The following GRID1 variants were observed in gnomAD, a reference collection of about 807,000 sequenced individuals.
The protein encoded by GRID1 is glutamate ionotropic receptor delta type subunit 1, also known as glutamate receptor ionotropic, delta-1.
Under a neutral mutation model 98.0 loss-of-function variants are expected in GRID1, and 28 were observed. The ratio of observed to expected loss-of-function variants is 0.29; its 90% CI spans 0.21 to 0.39. The LOEUF is 0.39. GRID1 is among the 10% of genes least tolerant of loss of function. GRID1 has a pLI of 1.00. For synonymous variants in GRID1, 553 were observed against 538.5 expected (o/e 1.03, Z -0.37); for missense variants, 1,111 against 1,340.5 (o/e 0.83, Z 2.67).
chr10:85,788,220 G>C (rs1479705115), intron 8 of GRID1, among the ~76,000 whole-genome samples: 1 of 152,026 alleles, frequency 6.6e-6, no homozygotes, highest in Non-Finnish European at 1.5e-5. Flanking sequence ...TTCCTTTCAT[G>C]GTTTGCTCTT....
intron 4 of GRID1, among the ~76,000 whole-genome samples, chr10:85,993,538 T>G (rs891331976): frequency 2.6e-5 from 4 of 152,178 alleles, no homozygotes; most frequent in African/African-American, 4.8e-5. Flanking sequence ...ACTGTCCCAT[T>G]TAATCCTCCT....
chr10:86,261,425 A>C (rs1311898190), intron 2 of GRID1, among the ~76,000 whole-genome samples: 1 of 152,026 alleles, frequency 6.6e-6, no homozygotes, highest in Non-Finnish European at 1.5e-5. Context: ...GCACTGGGCA[A>C]ATGCTCAGTA....
At chr10:86,046,755 A>G (rs547262208) in intron 4 of GRID1, among the ~76,000 whole-genome samples, 1 of 152,020 alleles carries the variant, frequency 6.6e-6, no homozygotes, top group East Asian at 1.9e-4. Flanking sequence ...TCTCTGGACA[A>G]TTATCCCTAC....
chr10:86,116,158 G>A (rs1042462200), intron 4 of GRID1, among the ~76,000 whole-genome samples: 25 of 152,152 alleles, frequency 1.6e-4, no homozygotes, highest in East Asian at 1.9e-4. Flanking sequence ...TAAGTGATGC[G>A]TGACTGTATG....
Position 86,238,699 on chromosome 10 carries a change from C to T in GRID1, c.236-32051G>A, listed in dbSNP as rs370246776. Among the ~76,000 whole-genome samples the T allele has an allele frequency of 3.0e-3, 423 of 143,382 alleles. 4 individuals carry two copies. The highest frequency in any genetic ancestry group is 9.7e-3 in the African/African-American group (372 of 38,252). The allele number at this position is 143,382 out of a possible 152,430, so 94.1% of individuals were successfully genotyped here. A position where few individuals can be genotyped will look rare whatever the true frequency, so the allele number is the denominator to read the frequency against. Reference sequence around the variant, plus strand: ...AAAAAAAAAAAAAAAAAGCGTTTGGCGGGGCAAGGTACAGCTTGGGCTTCA... The same window carrying T: ...AAAAAAAAAAAAAAAAAGCGTTTGGTGGGGCAAGGTACAGCTTGGGCTTCA... On this transcript the variant is annotated intron_variant, in intron 2 of 15. Transcript: ENST00000327946.
At chr10:85,654,470 A>G (rs1332968120) in intron 12 of GRID1, among the ~76,000 whole-genome samples, 1 of 152,228 alleles carries the variant, frequency 6.6e-6, no homozygotes, top group Non-Finnish European at 1.5e-5. Flanking sequence ...ATGTGATCTG[A>G]ACGATTTTAA....
intron 2 of GRID1, among the ~76,000 whole-genome samples, chr10:86,325,220 C>T (rs1241480057): frequency 6.6e-6 from 1 of 152,224 alleles, no homozygotes; most frequent in Non-Finnish European, 1.5e-5. Context: ...GTATTAAATA[C>T]TTACATTCTA....
At chr10:86,279,200 A>G (rs1350159574) in intron 2 of GRID1, among the ~76,000 whole-genome samples, 2 of 152,178 alleles carry the variant, frequency 1.3e-5, no homozygotes, top group African/African-American at 4.8e-5. Flanking sequence ...TCAGCAGTCT[A>G]CAACTCAGAA....
chr10:86,180,572 C>T (rs990091066), intron 3 of GRID1, among the ~76,000 whole-genome samples: 2 of 152,186 alleles, frequency 1.3e-5, no homozygotes, highest in East Asian at 3.9e-4. Flanking sequence ...CTGGGCTGGG[C>T]AGAGGCCTGA....
chr10:85,652,954 C>A (rs1840845160), intron 12 of GRID1, among the ~76,000 whole-genome samples: 1 of 152,080 alleles, frequency 6.6e-6, no homozygotes, highest in Admixed American at 6.6e-5. Flanking sequence ...TGAGATGAGA[C>A]AAAGAAACAA....
intron 4 of GRID1, among the ~76,000 whole-genome samples, chr10:85,970,745 TG>T (rs1288557141): frequency 4.2e-4 from 64 of 152,186 alleles, no homozygotes; most frequent in African/African-American, 1.5e-3. Context: ...AAAGACTCAA[TG>T]TTTTTCCCCT....
chr10:85,987,274 C>T (rs2131865441), intron 4 of GRID1, among the ~76,000 whole-genome samples: 1 of 152,146 alleles, frequency 6.6e-6, no homozygotes, highest in East Asian at 1.9e-4. Context: ...GAGATGCCTC[C>T]CTCACAAGAG....
chr10:85,891,732 A>G (rs1841202758), intron 5 of GRID1, among the ~76,000 whole-genome samples: 1 of 152,148 alleles, frequency 6.6e-6, no homozygotes, highest in Non-Finnish European at 1.5e-5. Flanking sequence ...ATTCAAAGTA[A>G]TTCAGCTGTG....
At chr10:86,162,176 C>G (rs1371886404) in intron 3 of GRID1, among the ~76,000 whole-genome samples, 3 of 152,094 alleles carry the variant, frequency 2.0e-5, no homozygotes, top group Admixed American at 2.0e-4. Context: ...CTAGATGGAC[C>G]TCCACACCTT....
At chr10:85,993,527 T>C (rs1249486339) in intron 4 of GRID1, among the ~76,000 whole-genome samples, 1 of 152,188 alleles carries the variant, frequency 6.6e-6, no homozygotes, top group African/African-American at 2.4e-5. Context: ...TTAATCCTCC[T>C]ACTGTCCCAT....
intron 4 of GRID1, among the ~76,000 whole-genome samples, chr10:85,965,575 G>T (rs1402604071): frequency 6.6e-6 from 1 of 152,098 alleles, no homozygotes; most frequent in Non-Finnish European, 1.5e-5. Context: ...TCATAAGTGG[G>T]AGTTAAACAC....
At chr10:85,994,173 G>T (rs1842714019) in intron 4 of GRID1, among the ~76,000 whole-genome samples, 1 of 152,128 alleles carries the variant, frequency 6.6e-6, no homozygotes, top group African/African-American at 2.4e-5. Context: ...CCAGAAAGAG[G>T]CTTGACCCAA....
intron 5 of GRID1, among the ~76,000 whole-genome samples, chr10:85,902,460 C>G (rs369916567): frequency 6.6e-6 from 1 of 152,120 alleles, no homozygotes; most frequent in African/African-American, 2.4e-5. Context: ...AAAGTAAAAC[C>G]GCAGATAAGG....
At chr10:85,752,097 C>A (rs550469238) in intron 8 of GRID1, among the ~76,000 whole-genome samples, 1 of 152,122 alleles carries the variant, frequency 6.6e-6, no homozygotes, top group Non-Finnish European at 1.5e-5. Context: ...GAGTCGATGA[C>A]CCTCTTGAGT....
Sources: allele counts gnomAD v4.1 joint callset (sites outside exome capture counted in the v4.1 genomes callset), GRCh38; gene constraint gnomAD v4.1.1; transcripts MANE v1.5; gene names NCBI Gene and HGNC (gene_info 2026-07-23, HGNC 2026-07-21).